Variants in SPP2 observed in about 807,000 individuals in gnomAD.
SPP2 encodes the protein secreted phosphoprotein 24.
Under a neutral mutation model 28.8 loss-of-function variants are expected in SPP2, and 34 were observed. The observed-to-expected ratio is 1.18, with a 90% confidence interval of 0.90 to 1.57. The LOEUF (loss-of-function observed/expected upper bound fraction) is 1.57. Among genes scored for constraint, SPP2 ranks in the 40% most tolerant of loss-of-function variants. The probability of loss-of-function intolerance (pLI) is 0.00; values close to 1 mark genes in which losing one functional copy is unlikely to be tolerated. For missense variants in SPP2, 269 were observed against 263.9 expected, an observed-to-expected ratio of 1.02 and a Z score of -0.13; for synonymous variants, 96 against 89.4, an observed-to-expected ratio of 1.07 and a Z score of -0.42.
chr2:234,051,222 T>C (rs1693490601), intron 2 of SPP2, 127 bp downstream of exon 2: 1 of 1,261,606 alleles, frequency 7.9e-7, no homozygotes, highest in Admixed American at 2.5e-5. Flanking sequence ...ATCTCTTTCA[T>C]ACTGTCTCTT....
chr2:234,064,323 A>G (rs927771926), intron 4 of SPP2, among the ~76,000 whole-genome samples: 1 of 151,930 alleles, frequency 6.6e-6, no homozygotes, highest in African/African-American at 2.4e-5. Context: ...TTCCCCTTGC[A>G]GCAGGAAGTA....
chr2:234,072,978 C>T (rs1411168097), intron 7 of SPP2, among the ~76,000 whole-genome samples: 4 of 152,214 alleles, frequency 2.6e-5, no homozygotes, highest in Non-Finnish European at 4.4e-5. Flanking sequence ...AACTCCGCCT[C>T]CCAGGTTCAA....
In SPP2 at chr2:234,051,071, G is replaced by C. The variant is rs781164889; in HGVS notation, c.186G>C (p.Arg62=). ...NSQSLSPYLF[R]AFRSSLKRVE... ...AGTCACTGAGTCCGTATCTGTTTCGGGCATTCAGAAGCTCATTAAAAAGAG... is the reference window on the plus strand; with the variant it reads ...AGTCACTGAGTCCGTATCTGTTTCGCGCATTCAGAAGCTCATTAAAAAGAG... Residue 62 remains arginine, a synonymous_variant, in exon 2 of 8, where the codon CGG becomes CGC. Coordinates refer to ENST00000168148, the MANE Select transcript of SPP2 (RefSeq NM_006944.3). The C allele has an allele frequency of 5.5e-5, 88 of 1,613,688 alleles. No homozygotes were observed. The highest frequency in any genetic ancestry group is 6.7e-5 in the Non-Finnish European group (79 of 1,179,844).
At chr2:234,076,462 C>G (rs1233076173) in intron 7 of SPP2, among the ~76,000 whole-genome samples, 1 of 152,188 alleles carries the variant, frequency 6.6e-6, no homozygotes, top group South Asian at 2.1e-4. Flanking sequence ...ACTTCCACCC[C>G]CTTCACTAGG....
intron 7 of SPP2, among the ~76,000 whole-genome samples, chr2:234,074,202 A>G (rs1164106627): frequency 6.6e-6 from 1 of 152,138 alleles, no homozygotes; most frequent in East Asian, 1.9e-4. Flanking sequence ...AAAAAATAGT[A>G]TGAGAGGGCA....
At chr2:234,070,884 T>C (rs1690759593) in intron 7 of SPP2, among the ~76,000 whole-genome samples, 1 of 152,194 alleles carries the variant, frequency 6.6e-6, no homozygotes, top group Non-Finnish European at 1.5e-5. Flanking sequence ...TGATGCATAA[T>C]TATTTCCAAA....
chr2:234,076,434 T>C (rs534238762), intron 7 of SPP2, among the ~76,000 whole-genome samples: 2 of 152,320 alleles, frequency 1.3e-5, no homozygotes, highest in African/African-American at 4.8e-5. Context: ...TTGGCATTTA[T>C]CAAGCTGTAC....
At chr2:234,059,312 T>G (rs542305157) in intron 3 of SPP2, among the ~76,000 whole-genome samples, 12 of 152,214 alleles carry the variant, frequency 7.9e-5, no homozygotes, top group African/African-American at 2.9e-4. Flanking sequence ...TGACTCTTCC[T>G]GGCACATGTC....
intron 7 of SPP2, among the ~76,000 whole-genome samples, chr2:234,070,340 C>T (rs1213847828): frequency 6.6e-6 from 1 of 152,242 alleles, no homozygotes; most frequent in Non-Finnish European, 1.5e-5. Context: ...TCCCTCCGTC[C>T]TTCCTTCCTT....
intron 4 of SPP2, among the ~76,000 whole-genome samples, chr2:234,065,460 A>T (rs1363607403): frequency 6.6e-6 from 1 of 152,138 alleles, no homozygotes; most frequent in Non-Finnish European, 1.5e-5. Context: ...TTGTATTTTT[A>T]GTAGAGACGG....
intron 2 of SPP2, among the ~76,000 whole-genome samples, chr2:234,053,396 G>A (rs1176970263): frequency 6.6e-6 from 1 of 152,150 alleles, no homozygotes; most frequent in African/African-American, 2.4e-5. Flanking sequence ...GTTGTAGGGA[G>A]AAGGGTCGGG....
intron 4 of SPP2, among the ~76,000 whole-genome samples, chr2:234,065,943 G>A (rs751918291): frequency 2.6e-5 from 4 of 152,176 alleles, no homozygotes; most frequent in Non-Finnish European, 5.9e-5. Context: ...ACTATCTGTT[G>A]AAAAGAATGT....
At chr2:234,056,713 T>A (rs1459984606) in intron 2 of SPP2, among the ~76,000 whole-genome samples, 6 of 152,192 alleles carry the variant, frequency 3.9e-5, no homozygotes, top group Non-Finnish European at 8.8e-5. Context: ...TTTTATTTTT[T>A]AATTTTTTAA....
At chr2:234,075,275 A>C (rs992955511) in intron 7 of SPP2, among the ~76,000 whole-genome samples, 5 of 152,142 alleles carry the variant, frequency 3.3e-5, no homozygotes, top group Admixed American at 2.0e-4. Flanking sequence ...ATGAGGATTG[A>C]CTGCTGAGTG....
At chr2:234,063,901 C>A (rs74328389) in intron 4 of SPP2, among the ~76,000 whole-genome samples, 4 of 152,138 alleles carry the variant, frequency 2.6e-5, no homozygotes, top group Non-Finnish European at 5.9e-5. Flanking sequence ...TCTGAGCTTA[C>A]GGGAGGGGTG....
rs963615754 is a variant in SPP2, at chr2:234,050,852, G to A, written c.66G>A (p.Met22Ile). The A allele has an allele frequency of 1.2e-6, 2 of 1,613,908 alleles. No individual in the cohort carries two copies. The highest frequency in any genetic ancestry group is 1.7e-6 in the Non-Finnish European group (2 of 1,179,934). ...MKILIMFALG[M>I]NYWSCSGFPV... Reference sequence around the variant, plus strand: ...TATTGATTATGTTTGCTCTTGGAATGAACTACTGGTCTTGCTCAGGTAAGG... The same window carrying A: ...TATTGATTATGTTTGCTCTTGGAATAAACTACTGGTCTTGCTCAGGTAAGG... The change falls in exon 1 of 8, where the codon ATG (methionine) becomes ATA (isoleucine). Residue 22 changes from methionine to isoleucine, a missense_variant. By Grantham distance (10) the Met-to-Ile change is conservative (BLOSUM62 1). Coordinates refer to ENST00000168148, the MANE Select transcript of SPP2 (RefSeq NM_006944.3).
intron 7 of SPP2, among the ~76,000 whole-genome samples, chr2:234,076,312 C>T (rs1690893026): frequency 6.6e-6 from 1 of 152,110 alleles, no homozygotes; most frequent in Non-Finnish European, 1.5e-5. Context: ...ACTCTCAGGC[C>T]CCCTCTGCTG....
chr2:234,074,512 C>A (rs150447313), intron 7 of SPP2, among the ~76,000 whole-genome samples: 1 of 152,064 alleles, frequency 6.6e-6, no homozygotes, highest in Non-Finnish European at 1.5e-5. Flanking sequence ...AAGATCCAAC[C>A]GAGACTCCAG....
At chr2:234,069,822 G>A (rs1693897547) in intron 6 of SPP2, 106 bp from the exon 7 acceptor site, 1 of 880,706 alleles carries the variant, frequency 1.1e-6, no homozygotes, top group Non-Finnish European at 1.9e-6. Flanking sequence ...ATGGGTTCAG[G>A]TTATGCTTGT....
Sources: gnomAD v4.1 joint callset for allele counts (sites outside exome capture counted in the v4.1 genomes callset) on GRCh38, gnomAD v4.1.1 for gene constraint, MANE v1.5 for transcripts, NCBI Gene and HGNC (gene_info 2026-07-23, HGNC 2026-07-21) for gene names.